The following GALNT15 variants were observed in gnomAD, a reference collection of about 807,000 sequenced individuals.
GALNT15 encodes UDP-GalNAc transferase T15.
In GALNT15, 67 loss-of-function variants were observed where a neutral mutation model predicts 66.8. That is an observed-to-expected ratio of 1.00 (90% CI 0.82 to 1.23). The LOEUF is 1.23. GALNT15 is among the 50% of genes most tolerant of loss of function. GALNT15 has a pLI of 0.00. For synonymous variants in GALNT15, 313 were observed against 311.5 expected (o/e 1.00, Z -0.05); for missense variants, 827 against 804.3 (o/e 1.03, Z -0.34).
At position 16,193,088 on chromosome 3, in the gene GALNT15, G is replaced by A. The variant is rs2063596210; in HGVS notation, c.540-2672G>A. The stretch of plus-strand genomic sequence containing the variant: ...CATAGGAACTCTCAGTTTCTTGTCA[G>A]TCTTAAACGATTTCAAAATAAAAAG... On this transcript the variant is annotated intron_variant, in intron 1 of 9. Coordinates refer to ENST00000339732, the MANE Select transcript of GALNT15 (RefSeq NM_054110.5). The surrounding 1 kb of genome is among the most constrained non-coding windows in gnomAD (Gnocchi z 4.7). Among the ~76,000 whole-genome samples, 1 of 152,160 alleles carries A rather than the reference G, an allele frequency of 6.6e-6. No individual in the cohort carries two copies. The highest frequency in any genetic ancestry group is 2.4e-5 in the African/African-American group (1 of 41,442).
intron 2 of GALNT15, among the ~76,000 whole-genome samples, chr3:16,197,195 C>G (rs1039485430): frequency 6.6e-6 from 1 of 152,186 alleles, no homozygotes; most frequent in Non-Finnish European, 1.5e-5. Flanking sequence ...CTGTGCCCCT[C>G]GGGAGTACGG....
chr3:16,196,580 C>T (rs2124863148), intron 2 of GALNT15, among the ~76,000 whole-genome samples: 1 of 152,342 alleles, frequency 6.6e-6, no homozygotes, highest in South Asian at 2.1e-4. Flanking sequence ...AGGTCAGTGG[C>T]TCTCACGCTT....
rs568300125 is a variant in GALNT15, at chr3:16,228,581, C to A, written c.*1081C>A. 37 of 864,220 alleles carry A rather than the reference C, an allele frequency of 4.3e-5. 1 individual carries two copies. In the South Asian group the frequency reaches 1.8e-3, roughly 41 times the overall value. The allele number at this position is 864,220 out of a possible 1,614,324, so 53.5% of individuals were successfully genotyped here. ...GCTTGAACCCAGGAGGCAGAGGTTG[C>A]AGTGAGCTGAGATCATGCCATTGCA... On this transcript the variant is annotated 3_prime_UTR_variant, in exon 10 of 10. Coordinates refer to ENST00000339732, the MANE Select transcript of GALNT15 (RefSeq NM_054110.5).
intron 1 of GALNT15, among the ~76,000 whole-genome samples, chr3:16,192,993 G>T (rs879313371): frequency 6.6e-6 from 1 of 152,146 alleles, no homozygotes; most frequent in African/African-American, 2.4e-5. Context: ...AACCATGTCG[G>T]ATTCCTGGTT....
chr3:16,222,832 G>A lies in GALNT15; in HGVS notation c.1773+74G>A, dbSNP rs1441893810. 6 of 1,542,354 alleles carry A rather than the reference G, an allele frequency of 3.9e-6. 1 individual carries two copies. The Admixed American group carries it at 5.2e-5, about 13-fold the overall frequency. ...AACTGCTGGTTGGCATTGGATCCTGGGCTCTTCCAAGAGGTCAGGTATTAG... is the reference window on the plus strand; with the variant it reads ...AACTGCTGGTTGGCATTGGATCCTGAGCTCTTCCAAGAGGTCAGGTATTAG... On this transcript the variant is annotated intron_variant, in intron 9 of 9. Transcript: ENST00000339732.
chr3:16,180,821 G>A lies in GALNT15; in HGVS notation c.539+5131G>A, dbSNP rs1424411517. On this transcript the variant is annotated intron_variant, in intron 1 of 9. Transcript: ENST00000339732. This position sits in a 1 kb window ranked among gnomAD's most constrained non-coding sequence, Gnocchi z 5.0. ...CTACCTGCTTTTAACTTGCCTTTATGGTTCAGCCTGTGTTTCCCTGGTTTA... is the reference window on the plus strand; with the variant it reads ...CTACCTGCTTTTAACTTGCCTTTATAGTTCAGCCTGTGTTTCCCTGGTTTA... Among the ~76,000 whole-genome samples, 1 of 152,170 alleles carries A rather than the reference G, an allele frequency of 6.6e-6. No homozygotes were observed. The highest frequency in any genetic ancestry group is 6.5e-5 in the Admixed American group (1 of 15,280).
chr3:16,218,963 C>T (rs535207096), intron 6 of GALNT15, among the ~76,000 whole-genome samples: 297 of 152,012 alleles, frequency 2.0e-3, no homozygotes, highest in Non-Finnish European at 3.4e-3. Context: ...TACAGGCATG[C>T]GCCACCACAC....
chr3:16,215,916 A>AAACAAAAAAAAAAAAACAAAAAAC (rs1019009823), intron 6 of GALNT15, among the ~76,000 whole-genome samples: 1 of 143,454 alleles, frequency 7.0e-6, no homozygotes, highest in Non-Finnish European at 1.5e-5. Flanking sequence ...CAAAAAAAAA[A>AAACAAAAAAAAAAAAACAAAAAAC]AAAAAAAAAG....
rs750650360 is a variant in GALNT15, at chr3:16,227,567, C to G, written c.*67C>G. The G allele has an allele frequency of 1.2e-6, 2 of 1,612,380 alleles. No individual in the cohort carries two copies. Among genetic ancestry groups the G allele is most frequent in the Non-Finnish European group, 1.7e-6 (2 of 1,179,508 alleles). Reference sequence around the variant, plus strand: ...TCCAGCTCCAAGTGAACTTAAAGAGCTTATATATTTCATGAAGCTGATCCT... The same window carrying G: ...TCCAGCTCCAAGTGAACTTAAAGAGGTTATATATTTCATGAAGCTGATCCT... On this transcript the variant is annotated 3_prime_UTR_variant, in exon 10 of 10. Coordinates refer to ENST00000339732, the MANE Select transcript of GALNT15 (RefSeq NM_054110.5). This position sits in a 1 kb window ranked among gnomAD's most constrained non-coding sequence, Gnocchi z 4.5.
chr3:16,224,044 T>TA lies in GALNT15; in HGVS notation c.1773+1287dup, dbSNP rs531111901. Among the ~76,000 whole-genome samples the TA allele has an allele frequency of 4.9e-4, 75 of 152,118 alleles. No individual in the cohort carries two copies. Among genetic ancestry groups the TA allele is most frequent in the Non-Finnish European group, 9.4e-4 (64 of 68,026 alleles). On this transcript the variant is annotated intron_variant, in intron 9 of 9. Coordinates refer to ENST00000339732, the MANE Select transcript of GALNT15 (RefSeq NM_054110.5). The surrounding 1 kb of genome is among the most constrained non-coding windows in gnomAD (Gnocchi z 5.2). ...AGGTCCTTTATAAATGATCATAAAG[T>TA]ATTTTTCTAAGCAAGTCCTATGAAT... is the stretch of plus-strand genomic sequence containing the variant.
intron 3 of GALNT15, among the ~76,000 whole-genome samples, chr3:16,201,926 T>G (rs1487074999): frequency 6.6e-6 from 1 of 152,216 alleles, no homozygotes; most frequent in Non-Finnish European, 1.5e-5. Flanking sequence ...TGTAGGCATG[T>G]AGCAGAGTAG....
In GALNT15 at chr3:16,188,327, C is replaced by T. The variant is rs547531987; in HGVS notation, c.540-7433C>T. ...GCCATAGGTCGTGTCCCATCACAGA[C>T]ATGTTTGTTTGGCCATGCAGTTTTA... On this transcript the variant is annotated intron_variant, in intron 1 of 9. Coordinates refer to ENST00000339732, the MANE Select transcript of GALNT15 (RefSeq NM_054110.5). This position sits in a 1 kb window ranked among gnomAD's most constrained non-coding sequence, Gnocchi z 4.6. Among the ~76,000 whole-genome samples, 5 of 152,326 alleles carry T rather than the reference C, an allele frequency of 3.3e-5. No individual in the cohort carries two copies. The South Asian group carries it at 1.0e-3, about 32-fold the overall frequency.
intron 3 of GALNT15, among the ~76,000 whole-genome samples, chr3:16,205,731 G>A (rs1426544821): frequency 6.6e-6 from 1 of 152,162 alleles, no homozygotes; most frequent in African/African-American, 2.4e-5. Context: ...TTTTGAGTCA[G>A]TAGACTACAG....
intron 6 of GALNT15, among the ~76,000 whole-genome samples, chr3:16,215,776 G>T (rs1188249899): frequency 6.6e-6 from 1 of 151,992 alleles, no homozygotes; most frequent in African/African-American, 2.4e-5. Context: ...TGGGCATGGT[G>T]ACACGTGCCT....
chr3:16,204,927 G>T lies in GALNT15; in HGVS notation c.912-3576G>T, dbSNP rs9853859. Reference sequence around the variant, plus strand: ...TGTGTAAGCATGTGAGAGTCTGAGTGTGGGGGGGAGCGAGCATGTGCGTGC... The same window carrying T: ...TGTGTAAGCATGTGAGAGTCTGAGTTTGGGGGGGAGCGAGCATGTGCGTGC... On this transcript the variant is annotated intron_variant, in intron 3 of 9. Coordinates refer to ENST00000339732, the MANE Select transcript of GALNT15 (RefSeq NM_054110.5). The surrounding 1 kb of genome is among the most constrained non-coding windows in gnomAD (Gnocchi z 4.5). Among the ~76,000 whole-genome samples the T allele has an allele frequency of 0.011, 1,676 of 152,314 alleles. 32 individuals are homozygous for T. The highest frequency in any genetic ancestry group is 0.038 in the African/African-American group (1,568 of 41,558).
intron 2 of GALNT15, among the ~76,000 whole-genome samples, chr3:16,199,328 T>C (rs2063675033): frequency 7.0e-6 from 1 of 141,998 alleles, no homozygotes; most frequent in South Asian, 2.2e-4. Context: ...TCCCTTCCCC[T>C]ATAGAATCAA....
intron 3 of GALNT15, 146 bp from the exon 4 acceptor site, chr3:16,208,357 C>T (rs1158904107): frequency 8.1e-6 from 5 of 614,954 alleles, no homozygotes; most frequent in Admixed American, 2.7e-5. Context: ...GTGTATTTTA[C>T]ACTTACTCCA....
chr3:16,231,331 A>T (rs1191153548), downstream of GALNT15, among the ~76,000 whole-genome samples: 2 of 152,190 alleles, frequency 1.3e-5, no homozygotes, highest in Non-Finnish European at 2.9e-5. This position sits in a 1 kb window ranked among gnomAD's most constrained non-coding sequence, Gnocchi z 4.1. Context: ...AATAAATAAT[A>T]ATAGTCCCTC....
At chr3:16,205,602 A>C (rs1049604189) in intron 3 of GALNT15, among the ~76,000 whole-genome samples, 2 of 152,244 alleles carry the variant, frequency 1.3e-5, no homozygotes, top group Non-Finnish European at 2.9e-5. Flanking sequence ...TCCAAGTCAA[A>C]CGAGGTCAGC....
Sources: gnomAD v4.1 joint callset for allele counts (sites outside exome capture counted in the v4.1 genomes callset) on GRCh38, gnomAD v4.1.1 for gene constraint, Gnocchi (gnomAD v3.1) non-coding constraint, MANE v1.5 for transcripts, NCBI Gene and HGNC (gene_info 2026-07-23, HGNC 2026-07-21) for gene names.